ZCCHC14: variants seen among roughly 807,000 people sequenced by gnomAD.
ZCCHC14 encodes the protein zinc finger CCHC-type containing 14.
A neutral mutation model predicts 85.0 loss-of-function variants in ZCCHC14; 16 were observed. The observed-to-expected ratio is 0.19, with a 90% CI of 0.13 to 0.29. ZCCHC14 has a LOEUF of 0.29. ZCCHC14 is among the 10% of genes least tolerant of loss of function. The pLI, the probability that ZCCHC14 is intolerant of heterozygous loss-of-function variation, is 1.00. For synonymous variants in ZCCHC14, 775 were observed against 630.7 expected, an observed-to-expected ratio of 1.23 and a Z score of -3.43; for missense variants, 1,303 against 1,443.5, an observed-to-expected ratio of 0.90 and a Z score of 1.58.
At chr16:87,437,184 A>T (rs1909965936) in intron 2 of ZCCHC14, among the ~76,000 whole-genome samples, 1 of 151,880 alleles carries the variant, frequency 6.6e-6, no homozygotes, top group African/African-American at 2.4e-5. Context: ...TAAAAATACA[A>T]AATTAGCCGG....
intron 1 of ZCCHC14, among the ~76,000 whole-genome samples, chr16:87,480,165 A>C (rs1212835971): frequency 1.3e-5 from 2 of 152,052 alleles, no homozygotes; most frequent in Non-Finnish European, 2.9e-5. Flanking sequence ...GCGCTTTGGG[A>C]GGCTGAGGCA....
At chr16:87,445,667 G>C (rs1044353806) in intron 2 of ZCCHC14, among the ~76,000 whole-genome samples, 2 of 152,186 alleles carry the variant, frequency 1.3e-5, no homozygotes, top group East Asian at 3.9e-4. Context: ...ACGGCGTGTG[G>C]GCTCAGCCGC....
intron 2 of ZCCHC14, among the ~76,000 whole-genome samples, chr16:87,445,223 C>T (rs999891761): frequency 8.6e-5 from 13 of 152,010 alleles, no homozygotes; most frequent in Admixed American, 6.6e-5. Context: ...TGCTCTACCA[C>T]GCCCAGCTAA....
At position 87,420,452 on chromosome 16, in the gene ZCCHC14, C is replaced by T. The variant is rs1024812568; in HGVS notation, c.950+155G>A. On this transcript the variant is annotated intron_variant, in intron 5 of 12. Transcript: ENST00000671377. The surrounding 1 kb of genome is among the most constrained non-coding windows in gnomAD (Gnocchi z 5.0). Reference sequence around the variant, plus strand: ...AGCTTACTGAGGGCTCCCGAATCCTCCAGAACTAATGGAAATCCCTAGAGG... The same window carrying T: ...AGCTTACTGAGGGCTCCCGAATCCTTCAGAACTAATGGAAATCCCTAGAGG... 9.9e-5 allele frequency among the ~76,000 whole-genome samples: 15 copies of T among 152,196 alleles called. No individual in the cohort carries two copies. The highest frequency in any genetic ancestry group is 3.6e-4 in the African/African-American group (15 of 41,452).
intron 1 of ZCCHC14, chr16:87,472,820 TC>T (rs1409085617): frequency 6.6e-6 from 1 of 152,170 alleles, no homozygotes; most frequent in Non-Finnish European, 1.5e-5. Flanking sequence ...CAGTGCCATC[TC>T]CCACCTCAGC....
At chr16:87,430,106 GC>G (rs1469180324) in intron 3 of ZCCHC14, among the ~76,000 whole-genome samples, 14 of 152,142 alleles carry the variant, frequency 9.2e-5, no homozygotes, top group African/African-American at 3.1e-4. Flanking sequence ...GATGTTTTCA[GC>G]ACCGTATCTC....
chr16:87,487,230 T>C (rs1383549045), intron 1 of ZCCHC14, among the ~76,000 whole-genome samples: 1 of 152,086 alleles, frequency 6.6e-6, no homozygotes, highest in African/African-American at 2.4e-5. Context: ...CCACAGAACC[T>C]ACCCCTAAAG....
intron 1 of ZCCHC14, chr16:87,471,870 A>C (rs915377067): frequency 6.6e-6 from 1 of 152,312 alleles, no homozygotes; most frequent in Non-Finnish European, 1.5e-5. Context: ...TGTACTCATG[A>C]GCAACAACTC....
chr16:87,431,484 A>G (rs1443862592), intron 3 of ZCCHC14, among the ~76,000 whole-genome samples: 1 of 151,620 alleles, frequency 6.6e-6, no homozygotes, highest in African/African-American at 2.4e-5. Context: ...AAAAAAAAAA[A>G]AAAAAAAGAA....
intron 2 of ZCCHC14, among the ~76,000 whole-genome samples, chr16:87,437,321 G>C (rs1025753410): frequency 1.0e-5 from 1 of 96,008 alleles, no homozygotes; most frequent in African/African-American, 4.2e-5. Context: ...TGGGCAACAA[G>C]AGTGAAATTC....
intron 2 of ZCCHC14, among the ~76,000 whole-genome samples, chr16:87,453,188 A>C (rs1265589854): frequency 6.6e-6 from 1 of 152,236 alleles, no homozygotes; most frequent in Non-Finnish European, 1.5e-5. Context: ...GGGAGCGAGC[A>C]GCGCTCACGC....
At position 87,463,581 on chromosome 16, in the gene ZCCHC14, G is replaced by A. The variant is rs1230388348; in HGVS notation, c.571-3450C>T. Among the ~76,000 whole-genome samples, 3 of 152,258 alleles carry A rather than the reference G, an allele frequency of 2.0e-5. No homozygotes were observed. The East Asian group carries it at 5.8e-4, about 29-fold the overall frequency. On this transcript the variant is annotated intron_variant, in intron 1 of 12. Coordinates refer to ENST00000671377, the MANE Select transcript of ZCCHC14 (RefSeq NM_015144.3). The stretch of plus-strand genomic sequence containing the variant: ...CGTCTGTAATCCCAGCACTCTGGGA[G>A]GCCGAGGCGGACAGATCACCTGAGG...
At chr16:87,451,858 G>C (rs115053767) in intron 2 of ZCCHC14, among the ~76,000 whole-genome samples, 3,435 of 152,306 alleles carry the variant, frequency 0.023, 122 homozygotes, top group African/African-American at 0.078. Flanking sequence ...AATCCTGCAG[G>C]TCTGCTGCAT....
At position 87,456,533 on chromosome 16, in the gene ZCCHC14, C is replaced by CAAAAAAAAAAA. The variant is rs60817141; in HGVS notation, c.694+3464_694+3474dup. ...GGGCGACAGAGCAAGACTCTGTCTC[C>CAAAAAAAAAAA]AAAAAAAAAAAAAAAAAAAAAAAAA... On this transcript the variant is annotated intron_variant, in intron 2 of 12. Transcript: ENST00000671377. 5.8e-4 allele frequency among the ~76,000 whole-genome samples: 37 copies of CAAAAAAAAAAA among 63,362 alleles called. 2 individuals are homozygous for CAAAAAAAAAAA. Among genetic ancestry groups the CAAAAAAAAAAA allele is most frequent in the Non-Finnish European group, 8.9e-4 (30 of 33,808 alleles). The allele number at this position is 63,362 out of a possible 152,430, so 41.6% of individuals were successfully genotyped here.
chr16:87,418,304 C>A (rs2150726630), intron 7 of ZCCHC14, among the ~76,000 whole-genome samples: 1 of 152,354 alleles, frequency 6.6e-6, no homozygotes, highest in South Asian at 2.1e-4. Flanking sequence ...TGCTCCTTAA[C>A]TGCAAAGTCA....
chr16:87,434,960 C>T lies in ZCCHC14; in HGVS notation c.695-1759G>A, dbSNP rs1173478299. Among the ~76,000 whole-genome samples the T allele has an allele frequency of 2.2e-5, 3 of 134,180 alleles. No homozygotes were observed. The South Asian group carries it at 7.2e-4, about 32-fold the overall frequency. The allele number at this position is 134,180 out of a possible 152,430, so 88.0% of individuals were successfully genotyped here. A position where few individuals can be genotyped will look rare whatever the true frequency, so the allele number is the denominator to read the frequency against. On this transcript the variant is annotated intron_variant, in intron 2 of 12. Transcript: ENST00000671377. Reference sequence around the variant, plus strand: ...GAGCCGATATCGCGCCATTGCACTCCAGCCTGGGCAACAAAGTGAGACTTC... The same window carrying T: ...GAGCCGATATCGCGCCATTGCACTCTAGCCTGGGCAACAAAGTGAGACTTC...
chr16:87,457,359 T>TA (rs1911025674), intron 2 of ZCCHC14, among the ~76,000 whole-genome samples: 1 of 152,252 alleles, frequency 6.6e-6, no homozygotes, highest in South Asian at 2.1e-4. Context: ...TTAAGAGCAT[T>TA]AGCTCTGGCT....
At chr16:87,467,765 C>A in intron 1 of ZCCHC14, 1 of 517,978 alleles carries the variant, frequency 1.9e-6, no homozygotes, top group South Asian at 2.0e-5. Flanking sequence ...CATTCTCCTG[C>A]CTCAGCTTCT....
At position 87,411,600 on chromosome 16, in the gene ZCCHC14, C is replaced by A; in HGVS notation, c.3121G>T (p.Gly1041Trp). 1 of 1,613,906 alleles carries A rather than the reference C, an allele frequency of 6.2e-7. No individual in the cohort carries two copies. The highest frequency in any genetic ancestry group is 8.5e-7 in the Non-Finnish European group (1 of 1,180,030). The change falls in exon 12 of 13, where the codon GGG becomes TGG. Residue 1041 changes from glycine (G) to tryptophan (W), a missense_variant. By Grantham distance (184) the Gly-to-Trp change is radical (BLOSUM62 -2). Around this residue, in one of 7 missense-constraint regions of ZCCHC14, gnomAD observed 797 missense variants for 730.8 expected, o/e 1.09. Transcript: ENST00000671377. Reference sequence around the variant, plus strand: ...CCGCAGTTGTAACAAGATAGGTTCCCGCTCTTTTTGTGACTGGAACCATTG... The same window carrying A: ...CCGCAGTTGTAACAAGATAGGTTCCAGCTCTTTTTGTGACTGGAACCATTG... ...SSNGSSHKKS[G>W]NLSCYNCGAT...
Sources: gnomAD v4.1 joint callset for allele counts (sites outside exome capture counted in the v4.1 genomes callset) on GRCh38, gnomAD v4.1.1 for gene constraint, gnomAD v4.1.1 regional missense constraint, Gnocchi (gnomAD v3.1) non-coding constraint, MANE v1.5 for transcripts, NCBI Gene and HGNC (gene_info 2026-07-23, HGNC 2026-07-21) for gene names.